The following SYNDIG1L variants were observed in gnomAD, a reference collection of about 807,000 sequenced individuals.
SYNDIG1L encodes synapse differentiation-inducing gene protein 1-like.
A neutral mutation model predicts 20.1 loss-of-function variants in SYNDIG1L; 13 were observed. The ratio of observed to expected loss-of-function variants is 0.65; its 90% CI spans 0.42 to 1.03. The LOEUF (loss-of-function observed/expected upper bound fraction) is 1.03, where lower values mean the gene tolerates loss of function less well. SYNDIG1L is among the 50% of genes least tolerant of loss of function. SYNDIG1L has a pLI of 0.00. For synonymous variants in SYNDIG1L, 128 were observed against 129.3 expected, an observed-to-expected ratio of 0.99 and a Z score of 0.07; for missense variants, 294 against 305.1, an observed-to-expected ratio of 0.96 and a Z score of 0.27.
At chr14:74,432,182 A>T in the SYNDIG1L span, among the ~76,000 whole-genome samples, 1,471 of 71,878 alleles carry the variant, frequency 0.02, 9 homozygotes, top group Middle Eastern at 0.038. Flanking sequence ...TGTGTGTGTG[A>T]GAGAGAGAGA....
chr14:74,417,481 C>T (rs2086185709), intron 1 of SYNDIG1L, among the ~76,000 whole-genome samples: 1 of 152,196 alleles, frequency 6.6e-6, no homozygotes, highest in South Asian at 2.1e-4. Context: ...TTATCAGAAC[C>T]CTGTAAAATG....
the SYNDIG1L span, among the ~76,000 whole-genome samples, chr14:74,466,577 A>G: frequency 6.6e-6 from 1 of 152,088 alleles, no homozygotes; most frequent in African/African-American, 2.4e-5. Flanking sequence ...CACTGCCTCC[A>G]CCACCACATC....
the SYNDIG1L span, among the ~76,000 whole-genome samples, chr14:74,434,122 A>C: frequency 6.6e-6 from 1 of 152,366 alleles, no homozygotes; most frequent in South Asian, 2.1e-4. Flanking sequence ...ACAAAATGCT[A>C]TTAAGGGTTG....
At chr14:74,433,918 T>C in the SYNDIG1L span, among the ~76,000 whole-genome samples, 304 of 152,132 alleles carry the variant, frequency 2.0e-3, 2 homozygotes, top group Admixed American at 4.2e-3. Context: ...TACAGAAAAA[T>C]TGGAACATAT....
At chr14:74,419,152 C>A (rs867224921) in intron 1 of SYNDIG1L, among the ~76,000 whole-genome samples, 1 of 152,196 alleles carries the variant, frequency 6.6e-6, no homozygotes, top group Non-Finnish European at 1.5e-5. Context: ...AAGGTCACTT[C>A]CTTAGAGAGG....
the SYNDIG1L span, among the ~76,000 whole-genome samples, chr14:74,460,378 C>A: frequency 6.6e-6 from 1 of 152,164 alleles, no homozygotes; most frequent in African/African-American, 2.4e-5. Context: ...CCCACCCTCC[C>A]ACCAGCTTGG....
At chr14:74,460,331 T>C in the SYNDIG1L span, among the ~76,000 whole-genome samples, 4 of 151,264 alleles carry the variant, frequency 2.6e-5, no homozygotes, top group Non-Finnish European at 5.9e-5. Flanking sequence ...AACTTAAATG[T>C]CATCATCATC....
At chr14:74,447,353 G>A in the SYNDIG1L span, among the ~76,000 whole-genome samples, 1 of 152,150 alleles carries the variant, frequency 6.6e-6, no homozygotes, top group African/African-American at 2.4e-5. Context: ...ACTTTGGGAG[G>A]CCAAGGCAGG....
chr14:74,438,060 A>AT, the SYNDIG1L span, among the ~76,000 whole-genome samples: 3,219 of 152,204 alleles, frequency 0.021, 107 homozygotes, highest in African/African-American at 0.074. Context: ...CAGAATTCGG[A>AT]TTTTTTCAGA....
chr14:74,479,788 T>C, the SYNDIG1L span: 8 of 215,346 alleles, frequency 3.7e-5, no homozygotes, highest in Non-Finnish European at 5.6e-5. Flanking sequence ...TTATATAAAA[T>C]AGATATGGTC....
the SYNDIG1L span, among the ~76,000 whole-genome samples, chr14:74,460,267 G>T: frequency 6.6e-6 from 1 of 152,068 alleles, no homozygotes; most frequent in Non-Finnish European, 1.5e-5. Flanking sequence ...TCTTGGTGCT[G>T]CCGTGGATCC....
At chr14:74,440,758 T>A in the SYNDIG1L span, among the ~76,000 whole-genome samples, 2 of 152,180 alleles carry the variant, frequency 1.3e-5, no homozygotes, top group Admixed American at 1.3e-4. Flanking sequence ...TTACACTATT[T>A]TTTTTTAAAG....
the SYNDIG1L span, among the ~76,000 whole-genome samples, chr14:74,469,542 A>T: frequency 6.6e-6 from 1 of 152,032 alleles, no homozygotes; most frequent in South Asian, 2.1e-4. Flanking sequence ...AGAAGAAGAA[A>T]ATGTGGCCAC....
the SYNDIG1L span, among the ~76,000 whole-genome samples, chr14:74,439,276 T>C: frequency 6.6e-6 from 1 of 152,272 alleles, no homozygotes; most frequent in South Asian, 2.1e-4. Flanking sequence ...ATCTTACTTG[T>C]CTCTCCTTCA....
chr14:74,455,101 G>A, the SYNDIG1L span, among the ~76,000 whole-genome samples: 1 of 152,246 alleles, frequency 6.6e-6, no homozygotes, highest in Non-Finnish European at 1.5e-5. Flanking sequence ...AGACTGCAGT[G>A]TCAGCTCCTG....
upstream of SYNDIG1L, among the ~76,000 whole-genome samples, chr14:74,430,730 C>T (rs1433110007): frequency 5.3e-5 from 8 of 151,778 alleles, no homozygotes; most frequent in African/African-American, 9.7e-5. Flanking sequence ...CCAACATGCC[C>T]GGCCTAGCAT....
upstream of SYNDIG1L, among the ~76,000 whole-genome samples, chr14:74,426,974 G>A (rs1298421788): frequency 3.3e-5 from 5 of 151,962 alleles, no homozygotes; most frequent in African/African-American, 7.3e-5. Flanking sequence ...GATGACATAC[G>A]TGACACATTG....
At chr14:74,433,574 G>A in the SYNDIG1L span, among the ~76,000 whole-genome samples, 13 of 151,908 alleles carry the variant, frequency 8.6e-5, no homozygotes, top group Admixed American at 2.0e-4. Flanking sequence ...TAGTAGAGGC[G>A]GTGTTTCACC....
At chr14:74,437,467 C>T in the SYNDIG1L span, among the ~76,000 whole-genome samples, 1 of 152,146 alleles carries the variant, frequency 6.6e-6, no homozygotes, top group Non-Finnish European at 1.5e-5. Flanking sequence ...ACCTGGTTGC[C>T]AGGCAGGTGA....
Sources: allele counts gnomAD v4.1 joint callset (sites outside exome capture counted in the v4.1 genomes callset), GRCh38; gene constraint gnomAD v4.1.1; transcripts MANE v1.5; gene names NCBI Gene and HGNC (gene_info 2026-07-23, HGNC 2026-07-21).